Variants in GATAD1 observed in about 807,000 individuals in gnomAD.
GATAD1 encodes GATA zinc finger domain-containing protein 1.
A neutral mutation model predicts 26.5 loss-of-function variants in GATAD1; 12 were observed. That is an observed-to-expected ratio of 0.45 (90% CI 0.29 to 0.73). The LOEUF is 0.73. Ranked by LOEUF, GATAD1 falls within the 30% of genes least tolerant of loss-of-function variation. The pLI, the probability that GATAD1 is intolerant of heterozygous loss-of-function variation, is 0.10. For missense variants in GATAD1, 266 were observed against 342.1 expected (o/e 0.78, Z 1.75); for synonymous variants, 129 against 133.1 (o/e 0.97, Z 0.21).
rs529135154 is a variant in GATAD1, at chr7:92,459,346, T to C, written c.*2784T>C. 1 of 152,362 alleles carries C rather than the reference T, an allele frequency of 6.6e-6. No individual in the cohort carries two copies. The highest frequency in any genetic ancestry group is 1.9e-4 in the East Asian group (1 of 5,192). 9.4% of individuals were successfully genotyped at this position (152,362 alleles called of 1,614,324 possible). On this transcript the variant is annotated 3_prime_UTR_variant, in exon 5 of 5. Coordinates refer to ENST00000287957, the MANE Select transcript of GATAD1 (RefSeq NM_021167.5). The stretch of plus-strand genomic sequence containing the variant: ...AAACATTTATTAAAATGTAGACTTT[T>C]AAAAATCTATAAATTGATCATCTGT...
chr7:92,475,675 G>T, the GATAD1 span, among the ~76,000 whole-genome samples: 2 of 151,980 alleles, frequency 1.3e-5, no homozygotes, highest in African/African-American at 2.4e-5. Context: ...CGCCTTTCTT[G>T]ACCACAAAGA....
At chr7:92,456,254 G>A (rs1789666315) in intron 4 of GATAD1, 118 bp from the exon 5 acceptor site, 1 of 571,998 alleles carries the variant, frequency 1.7e-6, no homozygotes, top group Admixed American at 3.2e-5. Context: ...ATGTTTCAAG[G>A]GCTAATGCCA....
the GATAD1 span, chr7:92,491,095 A>C: frequency 1.7e-6 from 1 of 578,260 alleles, no homozygotes; most frequent in Non-Finnish European, 3.1e-6. Context: ...TGTCTTGAAA[A>C]TCTTAACAAG....
chr7:92,454,764 C>A, intron 4 of GATAD1, 79 bp downstream of exon 4: 1 of 994,756 alleles, frequency 1.0e-6, no homozygotes, highest in Non-Finnish European at 1.5e-6. Context: ...TGTTAGTCAG[C>A]TTGGGCTGTC....
At chr7:92,486,253 T>TATC in the GATAD1 span, among the ~76,000 whole-genome samples, 1 of 152,222 alleles carries the variant, frequency 6.6e-6, no homozygotes, top group South Asian at 2.1e-4. Context: ...GATCCTCTTC[T>TATC]ATCACAGAGC....
At chr7:92,476,001 C>T in the GATAD1 span, among the ~76,000 whole-genome samples, 7 of 152,316 alleles carry the variant, frequency 4.6e-5, no homozygotes, top group Admixed American at 4.6e-4. Context: ...ACAAGAGTCC[C>T]CGTATCAATT....
the GATAD1 span, among the ~76,000 whole-genome samples, chr7:92,480,140 A>G: frequency 2.6e-5 from 4 of 152,324 alleles, no homozygotes; most frequent in East Asian, 5.8e-4. Flanking sequence ...CAAGAGCCTG[A>G]AAAACTGCTC....
At chr7:92,461,789 C>T (rs2115911242), downstream of GATAD1, among the ~76,000 whole-genome samples, 1 of 152,260 alleles carries the variant, frequency 6.6e-6, no homozygotes, top group Non-Finnish European at 1.5e-5. Flanking sequence ...TGGTCCGTGA[C>T]AGAAAGACGC....
chr7:92,461,255 G>A (rs1394202105), downstream of GATAD1: 1 of 152,238 alleles, frequency 6.6e-6, no homozygotes, highest in East Asian at 1.9e-4. Context: ...GCGAGGGTAA[G>A]AGACTGATGT....
At chr7:92,493,088 TAG>T in the GATAD1 span, 6 of 1,612,350 alleles carry the variant, frequency 3.7e-6, no homozygotes, top group Non-Finnish European at 4.2e-6. Context: ...CTGCCAGAGG[TAG>T]AGAGTCACTG....
downstream of GATAD1, among the ~76,000 whole-genome samples, chr7:92,461,987 CAG>C (rs1288995328): frequency 1.3e-5 from 2 of 152,142 alleles, no homozygotes; most frequent in Non-Finnish European, 2.9e-5. Context: ...CTCAGAGGCA[CAG>C]AGGGACACCC....
chr7:92,494,237 A>G, the GATAD1 span: 1 of 1,284,966 alleles, frequency 7.8e-7, no homozygotes, highest in Admixed American at 1.8e-5. Flanking sequence ...AGTAAAGCTC[A>G]CAAGGAAAGA....
chr7:92,492,040 A>G, the GATAD1 span, among the ~76,000 whole-genome samples: 1 of 152,248 alleles, frequency 6.6e-6, no homozygotes, highest in South Asian at 2.1e-4. Flanking sequence ...GGTAAAGTCT[A>G]TAATGTAACA....
rs756461914 is a variant in GATAD1, at chr7:92,456,490, G to A, written c.738G>A (p.Lys246=). The A allele has an allele frequency of 1.2e-6, 2 of 1,612,878 alleles. No individual in the cohort carries two copies. The highest frequency in any genetic ancestry group is 2.7e-5 in the African/African-American group (2 of 74,906). Reference sequence around the variant, plus strand: ...CCACAGTTCCCACCAGACCAGAGAAGGGCTACATATGGACTCATGTTGGGC... The same window carrying A: ...CCACAGTTCCCACCAGACCAGAGAAAGGCTACATATGGACTCATGTTGGGC... ...PFPTVPTRPE[K]GYIWTHVGPT... The change falls in exon 5 of 5, where the codon AAG becomes AAA. Residue 246 remains lysine (K), a synonymous_variant. Coordinates refer to ENST00000287957, the MANE Select transcript of GATAD1 (RefSeq NM_021167.5).
chr7:92,472,393 A>C, the GATAD1 span: 1 of 152,204 alleles, frequency 6.6e-6, no homozygotes, highest in Non-Finnish European at 1.5e-5. Flanking sequence ...ACCCGTAAAC[A>C]ATGAGGTCAA....
downstream of GATAD1, chr7:92,461,285 C>T (rs1022421395): frequency 6.6e-6 from 1 of 152,262 alleles, no homozygotes; most frequent in African/African-American, 2.4e-5. Context: ...TTTTTCTTTC[C>T]TGTCCTCCAC....
intron 3 of GATAD1, among the ~76,000 whole-genome samples, chr7:92,452,875 A>G (rs79103916): frequency 6.6e-6 from 1 of 152,260 alleles, no homozygotes; most frequent in Non-Finnish European, 1.5e-5. Context: ...TAGTAAGCCT[A>G]TGATAAGCAA....
chr7:92,468,493 G>A, the GATAD1 span: 5 of 279,626 alleles, frequency 1.8e-5, no homozygotes, highest in Middle Eastern at 1.1e-3. Flanking sequence ...TTTATATCCC[G>A]ATCATTGTCC....
rs1789688789 is a variant in GATAD1 at position 92,456,685 on chromosome 7, A to G, written c.*123A>G. On this transcript the variant is annotated 3_prime_UTR_variant, in exon 5 of 5. Coordinates refer to ENST00000287957, the MANE Select transcript of GATAD1 (RefSeq NM_021167.5). Reference sequence around the variant, plus strand: ...AGATTCTCTTTCTTAAAAAACCACAAAAAAACTGGATTTCCAGTTCTCTAA... The same window carrying G: ...AGATTCTCTTTCTTAAAAAACCACAGAAAAACTGGATTTCCAGTTCTCTAA... 2 of 575,726 alleles carry G rather than the reference A, an allele frequency of 3.5e-6. No individual in the cohort carries two copies. The highest frequency in any genetic ancestry group is 2.6e-5 in the South Asian group (1 of 37,780). The allele number at this position is 575,726 out of a possible 1,614,324, so 35.7% of individuals were successfully genotyped here.
Sources: gnomAD v4.1 joint callset for allele counts (sites outside exome capture counted in the v4.1 genomes callset) on GRCh38, gnomAD v4.1.1 for gene constraint, MANE v1.5 for transcripts, NCBI Gene and HGNC (gene_info 2026-07-23, HGNC 2026-07-21) for gene names.